The following ATXN1 variants were observed in gnomAD, a reference collection of about 807,000 sequenced individuals.
ATXN1 encodes ataxin-1.
ATXN1 carries 8 observed loss-of-function variants against 56.4 expected under a neutral mutation model. The ratio of observed to expected loss-of-function variants is 0.14; its 90% CI spans 0.08 to 0.26. The LOEUF (loss-of-function observed/expected upper bound fraction) is 0.26, where lower values mean the gene tolerates loss of function less well. ATXN1 is among the 10% of genes least tolerant of loss of function. The pLI is 1.00. For synonymous variants in ATXN1, 514 were observed against 494.6 expected (o/e 1.04, Z -0.52); for missense variants, 987 against 1,106.5 (o/e 0.89, Z 1.53).
intron 2 of ATXN1, among the ~76,000 whole-genome samples, chr6:16,744,804 G>T (rs951304647): frequency 2.0e-5 from 3 of 152,162 alleles, no homozygotes; most frequent in African/African-American, 4.8e-5. Flanking sequence ...ATTCCTGCCA[G>T]GTTGGCCCTG....
At chr6:16,332,333 G>A (rs1458559694) in intron 6 of ATXN1, among the ~76,000 whole-genome samples, 1 of 152,162 alleles carries the variant, frequency 6.6e-6, no homozygotes, top group Non-Finnish European at 1.5e-5. Context: ...TCTATCGGGT[G>A]ATCATGGGAC....
Position 16,302,029 on chromosome 6 carries a change from G to T in ATXN1, c.*4300C>A, listed in dbSNP as rs1760119374. On this transcript the variant is annotated 3_prime_UTR_variant, in exon 8 of 8. Transcript: ENST00000436367. ...TTCAGTAAAGATCAAACTGTGCAAAGAGTGGATTTTATGATTACTAGGAGC... is the reference window on the plus strand; with the variant it reads ...TTCAGTAAAGATCAAACTGTGCAAATAGTGGATTTTATGATTACTAGGAGC... The T allele has an allele frequency of 6.5e-6, 1 of 152,678 alleles. No individual in the cohort carries two copies. The highest frequency in any genetic ancestry group is 1.5e-5 in the Non-Finnish European group (1 of 68,054). The allele number at this position is 152,678 out of a possible 1,614,324, so 9.5% of individuals were successfully genotyped here.
chr6:16,319,745 A>AT (rs1561848513), intron 7 of ATXN1, among the ~76,000 whole-genome samples: 1 of 152,076 alleles, frequency 6.6e-6, no homozygotes, highest in Non-Finnish European at 1.5e-5. Context: ...ATAGTCTTTA[A>AT]TTTTTTTCTA....
intron 7 of ATXN1, among the ~76,000 whole-genome samples, chr6:16,323,488 G>A (rs1760729324): frequency 8.1e-6 from 1 of 124,160 alleles, no homozygotes; most frequent in South Asian, 2.7e-4. Context: ...ACTGCACTCT[G>A]CACTCCAGCC....
intron 2 of ATXN1, among the ~76,000 whole-genome samples, chr6:16,692,300 C>T (rs1354943069): frequency 6.6e-6 from 1 of 152,194 alleles, no homozygotes; most frequent in Non-Finnish European, 1.5e-5. Context: ...TTGAAGTAAA[C>T]ATTTTTCTTT....
chr6:16,550,897 T>C (rs539318288), intron 4 of ATXN1, among the ~76,000 whole-genome samples: 98 of 152,338 alleles, frequency 6.4e-4, no homozygotes, highest in African/African-American at 2.3e-3. Context: ...TATTTTTCCT[T>C]ATAAAAATCA....
intron 6 of ATXN1, among the ~76,000 whole-genome samples, chr6:16,444,246 GC>G (rs1428158685): frequency 6.6e-6 from 1 of 152,148 alleles, no homozygotes; most frequent in African/African-American, 2.4e-5. Flanking sequence ...TTCCCCTGGG[GC>G]CCAGTCTTTG....
chr6:16,575,821 T>G (rs912031001), intron 4 of ATXN1, among the ~76,000 whole-genome samples: 1 of 152,184 alleles, frequency 6.6e-6, no homozygotes, highest in Admixed American at 6.5e-5. Context: ...AAAAGGGGTG[T>G]GGCAATTGGT....
intron 2 of ATXN1, among the ~76,000 whole-genome samples, chr6:16,718,900 G>A (rs935316963): frequency 2.6e-5 from 4 of 152,226 alleles, no homozygotes; most frequent in African/African-American, 7.2e-5. Context: ...GATTCATTAA[G>A]TGAAGGTATG....
chr6:16,497,729 T>C (rs1252531889), intron 5 of ATXN1, among the ~76,000 whole-genome samples: 1 of 152,142 alleles, frequency 6.6e-6, no homozygotes. Context: ...TGGAATGCCC[T>C]TCTAGTAAGG....
Position 16,328,162 on chromosome 6 carries a change from G to C in ATXN1, c.149C>G (p.Pro50Arg). 1 of 1,590,582 alleles carries C rather than the reference G, an allele frequency of 6.3e-7. No individual in the cohort carries two copies. Among genetic ancestry groups the C allele is most frequent in the Non-Finnish European group, 8.6e-7 (1 of 1,165,150 alleles). ...CCCGCCCCCGTGGCCCCGGCCACCA[G>C]GGTTGCCCGGGAGCCATGCTGTGCC... ...VEGTAWLPGN[P>R]GGRGHGGGRH... is the part of the protein sequence containing the mutation. Residue 50 changes from proline to arginine, a missense_variant, in exon 7 of 8, where the codon CCT becomes CGT. This residue lies in a region of ATXN1 where 723 missense variants were observed against 791.7 expected (regional missense o/e 0.91). Coordinates refer to ENST00000436367, the MANE Select transcript of ATXN1 (RefSeq NM_001128164.2). This position sits in a 1 kb window ranked among gnomAD's most constrained non-coding sequence, Gnocchi z 6.2.
chr6:16,507,004 T>C (rs774275415), intron 5 of ATXN1, among the ~76,000 whole-genome samples: 2 of 152,190 alleles, frequency 1.3e-5, no homozygotes, highest in Non-Finnish European at 2.9e-5. Flanking sequence ...TCCTCCGTGT[T>C]ATATATTAAG....
At chr6:16,439,313 T>C (rs1266425524) in intron 6 of ATXN1, among the ~76,000 whole-genome samples, 1 of 126,032 alleles carries the variant, frequency 7.9e-6, no homozygotes, top group African/African-American at 3.0e-5. Context: ...ACAAGCCAAT[T>C]TTCAGAGCTA....
chr6:16,478,201 T>C (rs1215361134), intron 6 of ATXN1, among the ~76,000 whole-genome samples: 1 of 152,210 alleles, frequency 6.6e-6, no homozygotes, highest in African/African-American at 2.4e-5. Flanking sequence ...AGCTCTCACC[T>C]TGACACACTA....
chr6:16,343,995 T>C (rs780252368), intron 6 of ATXN1, among the ~76,000 whole-genome samples: 97 of 152,328 alleles, frequency 6.4e-4, no homozygotes, highest in Admixed American at 5.2e-4. Context: ...GTGGTTCTTA[T>C]ACTCGAGCGT....
intron 2 of ATXN1, among the ~76,000 whole-genome samples, chr6:16,727,810 A>G (rs1364596718): frequency 6.6e-6 from 1 of 152,202 alleles, no homozygotes; most frequent in African/African-American, 2.4e-5. Context: ...AAATTAACAA[A>G]ATTTCTGTCT....
intron 2 of ATXN1, among the ~76,000 whole-genome samples, chr6:16,665,357 C>T (rs140753497): frequency 2.0e-5 from 3 of 152,206 alleles, no homozygotes; most frequent in Non-Finnish European, 2.9e-5. Context: ...TATATTAGTT[C>T]AGTGAATTAT....
intron 6 of ATXN1, among the ~76,000 whole-genome samples, chr6:16,334,644 G>C (rs1432276314): frequency 2.6e-5 from 4 of 152,178 alleles, no homozygotes; most frequent in Non-Finnish European, 5.9e-5. Context: ...TTGAGCCCAG[G>C]AGGTTGAGGC....
At position 16,760,129 on chromosome 6, in the gene ATXN1, T is replaced by C. The variant is rs567819777; in HGVS notation, c.-730+1169A>G. ...GCCTGCGCGCAGCACTGGAACCACG[T>C]AGGAGGAGGCGGCGGCGCCCCCGGG... On this transcript the variant is annotated intron_variant, in intron 1 of 7. Transcript: ENST00000436367. The surrounding 1 kb of genome is among the most constrained non-coding windows in gnomAD (Gnocchi z 5.3). 6.6e-6 allele frequency among the ~76,000 whole-genome samples: 1 copy of C among 151,696 alleles called. No individual in the cohort carries two copies.
Sources: gnomAD v4.1 joint callset for allele counts (sites outside exome capture counted in the v4.1 genomes callset) on GRCh38, gnomAD v4.1.1 for gene constraint, gnomAD v4.1.1 regional missense constraint, Gnocchi (gnomAD v3.1) non-coding constraint, MANE v1.5 for transcripts, NCBI Gene and HGNC (gene_info 2026-07-23, HGNC 2026-07-21) for gene names.